The following FBXL20 variants were observed in gnomAD, a reference collection of about 807,000 sequenced individuals.
The protein encoded by FBXL20 is F-box and leucine rich repeat protein 20, also known as F-box/LRR-repeat protein 20.
In FBXL20, 11 loss-of-function variants were observed where a neutral mutation model predicts 64.0. The ratio of observed to expected loss-of-function variants is 0.17; its 90% CI spans 0.11 to 0.28. The LOEUF (loss-of-function observed/expected upper bound fraction) is 0.28. FBXL20 is among the 10% of genes least tolerant of loss of function. The pLI, the probability that FBXL20 is intolerant of heterozygous loss-of-function variation, is 1.00. For synonymous variants in FBXL20, 184 were observed against 189.0 expected (o/e 0.97, Z 0.22); for missense variants, 303 against 526.2 (o/e 0.58, Z 4.15).
intron 1 of FBXL20, among the ~76,000 whole-genome samples, chr17:39,387,598 G>C (rs1455595848): frequency 7.3e-6 from 1 of 137,566 alleles, no homozygotes; most frequent in Non-Finnish European, 1.5e-5. Flanking sequence ...TTTTTTTTGA[G>C]ACAAGGTCTC....
At chr17:39,393,486 G>C (rs2048154497) in intron 1 of FBXL20, among the ~76,000 whole-genome samples, 1 of 152,074 alleles carries the variant, frequency 6.6e-6, no homozygotes, top group Admixed American at 6.6e-5. Flanking sequence ...CATGTTGTTA[G>C]ATAAAATTTC....
chr17:39,282,811 T>C lies in FBXL20; in HGVS notation c.539A>G (p.Asp180Gly). The C allele has an allele frequency of 6.2e-7, 1 of 1,614,142 alleles. No homozygotes were observed. Among genetic ancestry groups the C allele is most frequent in the Non-Finnish European group, 8.5e-7 (1 of 1,180,014 alleles). ...LLEQLNISWC[D>G]QVTKDGIQAL... ...TTGAATGCCATCCTTGGTTACTTGG[T>C]CACACCAGGAAATGTTCAACTGCTC... The change falls in exon 8 of 15, where the codon GAC becomes GGC. Residue 180 changes from aspartate (D) to glycine (G), a missense_variant. Asp to Gly is a moderately conservative substitution (Grantham distance 94). Coordinates refer to ENST00000264658, the MANE Select transcript of FBXL20 (RefSeq NM_032875.3).
At chr17:39,392,129 T>C (rs200701240) in intron 1 of FBXL20, among the ~76,000 whole-genome samples, 1 of 150,912 alleles carries the variant, frequency 6.6e-6, no homozygotes, top group Admixed American at 6.6e-5. Context: ...AGTGCGAGAC[T>C]GAGAAGAAAA....
At chr17:39,264,014 A>G in intron 14 of FBXL20, 161 bp downstream of exon 14, 12 of 763,482 alleles carry the variant, frequency 1.6e-5, no homozygotes, top group Non-Finnish European at 2.5e-5. Context: ...AGCCAGAGGG[A>G]AAAACTATCT....
chr17:39,303,273 CATAAT>C (rs764831082), intron 3 of FBXL20, among the ~76,000 whole-genome samples: 1 of 150,958 alleles, frequency 6.6e-6, no homozygotes, highest in Non-Finnish European at 1.5e-5. Context: ...ACTAGGAAAA[CATAAT>C]AAAACAAGAT....
chr17:39,324,727 T>A (rs1022210302), intron 2 of FBXL20, among the ~76,000 whole-genome samples: 5 of 152,186 alleles, frequency 3.3e-5, no homozygotes, highest in African/African-American at 1.2e-4. Flanking sequence ...ATCCTCCAAT[T>A]AAGTTGTGAA....
chr17:39,340,211 C>A (rs2047569036), intron 2 of FBXL20, among the ~76,000 whole-genome samples: 1 of 152,352 alleles, frequency 6.6e-6, no homozygotes, highest in Non-Finnish European at 1.5e-5. Context: ...ATTCTCCTGC[C>A]TCAGCCTCCC....
At chr17:39,370,507 C>A (rs1361195844) in intron 1 of FBXL20, among the ~76,000 whole-genome samples, 4 of 149,190 alleles carry the variant, frequency 2.7e-5, no homozygotes, top group Non-Finnish European at 6.0e-5. Flanking sequence ...AAAAAGAAGG[C>A]CGGGCGCGGT....
chr17:39,285,388 G>T, intron 7 of FBXL20, 90 bp downstream of exon 7: 1 of 783,300 alleles, frequency 1.3e-6, no homozygotes, highest in Non-Finnish European at 1.9e-6. Context: ...ATAAAACAGA[G>T]TTGCCTTCAA....
chr17:39,345,774 C>A (rs918410777), intron 1 of FBXL20, among the ~76,000 whole-genome samples: 2 of 152,140 alleles, frequency 1.3e-5, no homozygotes, highest in Non-Finnish European at 2.9e-5. Flanking sequence ...CTCCTGAGCT[C>A]AACGGATCCT....
At chr17:39,340,027 T>G (rs2047567116) in intron 2 of FBXL20, among the ~76,000 whole-genome samples, 1 of 151,970 alleles carries the variant, frequency 6.6e-6, no homozygotes, top group Non-Finnish European at 1.5e-5. Flanking sequence ...CCTCCCAAGG[T>G]TCAAGTGATT....
At chr17:39,382,442 CAAAAAA>C (rs543348192) in intron 1 of FBXL20, among the ~76,000 whole-genome samples, 1 of 88,194 alleles carries the variant, frequency 1.1e-5, no homozygotes, top group Admixed American at 1.2e-4. Flanking sequence ...GACTCCATCT[CAAAAAA>C]AAAAAAAAAA....
chr17:39,273,403 T>C (rs551615522), intron 10 of FBXL20, among the ~76,000 whole-genome samples: 2 of 152,328 alleles, frequency 1.3e-5, no homozygotes, highest in South Asian at 4.1e-4. Flanking sequence ...ATGATTATTA[T>C]ATGTAAGAAA....
chr17:39,269,834 TGCCCGGG>T (rs2046827446), intron 11 of FBXL20, among the ~76,000 whole-genome samples: 1 of 152,210 alleles, frequency 6.6e-6, no homozygotes, highest in African/African-American at 2.4e-5. Context: ...TTCGCCATGT[TGCCCGGG>T]CTGGGCTCAA....
intron 2 of FBXL20, among the ~76,000 whole-genome samples, chr17:39,329,639 T>A (rs1195527625): frequency 6.6e-6 from 1 of 152,140 alleles, no homozygotes; most frequent in East Asian, 1.9e-4. Context: ...TAGAAAATAC[T>A]GCAGCCTTTC....
chr17:39,340,722 G>C lies in FBXL20; in HGVS notation c.104+2458C>G, dbSNP rs149801960. 1.0e-2 allele frequency among the ~76,000 whole-genome samples: 1,512 copies of C among 151,562 alleles called. 33 individuals are homozygous for C. Among genetic ancestry groups the C allele is most frequent in the African/African-American group, 0.035 (1,429 of 41,346 alleles). The stretch of plus-strand genomic sequence containing the variant: ...ATCTAAAAAAAAAAGATACATAAAA[G>C]CCTAATAAAAAGTCAGTTTTTCTCA... On this transcript the variant is annotated intron_variant, in intron 2 of 14. Transcript: ENST00000264658.
Position 39,370,432 on chromosome 17 carries a change from G to A in FBXL20, c.43-27191C>T, listed in dbSNP as rs139652159. On this transcript the variant is annotated intron_variant, in intron 1 of 14. Coordinates refer to ENST00000264658, the MANE Select transcript of FBXL20 (RefSeq NM_032875.3). Reference sequence around the variant, plus strand: ...TTGAACCCGGGAGGCGGAGTTTGCAGTGAGCCAAGATCAAGCCACTACATT... The same window carrying A: ...TTGAACCCGGGAGGCGGAGTTTGCAATGAGCCAAGATCAAGCCACTACATT... Among the ~76,000 whole-genome samples the A allele has an allele frequency of 9.1e-3, 1,386 of 151,602 alleles. 18 individuals are homozygous for A. The highest frequency in any genetic ancestry group is 0.032 in the African/African-American group (1,310 of 41,334).
chr17:39,366,876 T>C (rs2047864950), intron 1 of FBXL20, among the ~76,000 whole-genome samples: 1 of 143,194 alleles, frequency 7.0e-6, no homozygotes, highest in African/African-American at 2.9e-5. Flanking sequence ...TATTATTCTA[T>C]CAGTCCTTTT....
chr17:39,253,745 G>GA lies in FBXL20; in HGVS notation c.*7714dup, dbSNP rs2046670725. 1 of 152,172 alleles carries GA rather than the reference G, an allele frequency of 6.6e-6. No individual in the cohort carries two copies. The highest frequency in any genetic ancestry group is 1.5e-5 in the Non-Finnish European group (1 of 68,008). The allele number at this position is 152,172 out of a possible 1,614,324, so 9.4% of individuals were successfully genotyped here. On this transcript the variant is annotated 3_prime_UTR_variant, in exon 15 of 15. Coordinates refer to ENST00000264658, the MANE Select transcript of FBXL20 (RefSeq NM_032875.3). ...ACAGATAAATTATTCTTAAGGGCAG[G>GA]AAAAAACTAATGTAAACCCAGGAAA...
Sources: gnomAD v4.1 joint callset for allele counts (sites outside exome capture counted in the v4.1 genomes callset) on GRCh38, gnomAD v4.1.1 for gene constraint, MANE v1.5 for transcripts, NCBI Gene and HGNC (gene_info 2026-07-23, HGNC 2026-07-21) for gene names.